Variants in ST6GAL1 observed in about 807,000 individuals in gnomAD.
ST6GAL1 encodes beta-galactoside alpha-2,6-sialyltransferase 1.
In ST6GAL1, 20 loss-of-function variants were observed where a neutral mutation model predicts 38.0. The ratio of observed to expected loss-of-function variants is 0.53; its 90% CI spans 0.37 to 0.77. The LOEUF (loss-of-function observed/expected upper bound fraction) is 0.77, where lower values mean the gene tolerates loss of function less well. ST6GAL1 is among the 30% of genes least tolerant of loss of function. The pLI is 0.00. For missense variants in ST6GAL1, 432 were observed against 496.4 expected (o/e 0.87, Z 1.23); for synonymous variants, 196 against 188.2 (o/e 1.04, Z -0.34).
At chr3:186,930,916 CG>C (rs1479793333) in intron 1 of ST6GAL1, 82 bp downstream of exon 1, 1 of 153,198 alleles carries the variant, frequency 6.5e-6, no homozygotes, top group Non-Finnish European at 1.5e-5. Flanking sequence ...GGGAGGATAG[CG>C]GAGGCGCGGG....
At chr3:186,965,207 A>G (rs1426345383) in intron 2 of ST6GAL1, among the ~76,000 whole-genome samples, 1 of 152,182 alleles carries the variant, frequency 6.6e-6, no homozygotes, top group African/African-American at 2.4e-5. Context: ...TTCCCGGAAA[A>G]GTCACGAAGT....
chr3:187,013,771 G>GA (rs1210740533), intron 2 of ST6GAL1, among the ~76,000 whole-genome samples: 1 of 152,118 alleles, frequency 6.6e-6, no homozygotes, highest in Non-Finnish European at 1.5e-5. Flanking sequence ...TTTTAGTAGA[G>GA]ACGGGGTTTG....
intron 2 of ST6GAL1, among the ~76,000 whole-genome samples, chr3:187,000,987 A>C (rs1296922703): frequency 2.0e-5 from 3 of 152,210 alleles, no homozygotes; most frequent in Non-Finnish European, 2.9e-5. Context: ...TGTGTAACTG[A>C]CCAGAGTGTC....
chr3:187,005,143 A>G (rs893329104), intron 2 of ST6GAL1, among the ~76,000 whole-genome samples: 2 of 152,150 alleles, frequency 1.3e-5, no homozygotes, highest in African/African-American at 4.8e-5. Context: ...GATTTGTTTC[A>G]AAATCTAGGG....
intron 2 of ST6GAL1, among the ~76,000 whole-genome samples, chr3:186,985,780 A>G (rs1437109727): frequency 1.3e-5 from 2 of 151,190 alleles, no homozygotes; most frequent in Admixed American, 1.3e-4. Context: ...GTCTCAAAAA[A>G]AAAAAAAGAA....
intron 1 of ST6GAL1, among the ~76,000 whole-genome samples, chr3:186,942,089 G>T (rs887849670): frequency 6.6e-6 from 1 of 152,178 alleles, no homozygotes; most frequent in Non-Finnish European, 1.5e-5. Context: ...GACCTCAATG[G>T]CCACTTAGGC....
chr3:187,004,703 T>G lies in ST6GAL1; in HGVS notation c.-182-34039T>G, dbSNP rs1317869382. Among the ~76,000 whole-genome samples, 3 of 152,262 alleles carry G rather than the reference T, an allele frequency of 2.0e-5. No individual in the cohort carries two copies. The East Asian group carries it at 5.8e-4, about 29-fold the overall frequency. On this transcript the variant is annotated intron_variant, in intron 2 of 7. Transcript: ENST00000169298. The stretch of plus-strand genomic sequence containing the variant: ...GCAGTGAACAACTTGTACAGTCATA[T>G]GTGACATCCCAGAGAGAAAACAACA...
intron 2 of ST6GAL1, among the ~76,000 whole-genome samples, chr3:187,002,571 T>C (rs1716656134): frequency 6.6e-6 from 1 of 152,240 alleles, no homozygotes; most frequent in Non-Finnish European, 1.5e-5. Context: ...TGTGGCTTTC[T>C]TGCCGCTAAG....
chr3:187,036,831 G>T (rs1717945774), intron 2 of ST6GAL1, among the ~76,000 whole-genome samples: 1 of 152,150 alleles, frequency 6.6e-6, no homozygotes, highest in Non-Finnish European at 1.5e-5. Flanking sequence ...CCAAGCCTCA[G>T]CATTGTGCAA....
At chr3:186,959,745 C>T (rs1227214759) in intron 1 of ST6GAL1, among the ~76,000 whole-genome samples, 1 of 152,182 alleles carries the variant, frequency 6.6e-6, no homozygotes, top group African/African-American at 2.4e-5. Flanking sequence ...CTGCTGTGTT[C>T]AGCAGATTTG....
At chr3:187,065,827 A>G in intron 5 of ST6GAL1, among the ~76,000 whole-genome samples, 1 of 152,322 alleles carries the variant, frequency 6.6e-6, no homozygotes, top group Non-Finnish European at 1.5e-5. Flanking sequence ...ATACCATCTA[A>G]GGGTCTTACA....
Position 187,026,692 on chromosome 3 carries a change from G to T in ST6GAL1, c.-182-12050G>T, listed in dbSNP as rs28501467. On this transcript the variant is annotated intron_variant, in intron 2 of 7. Transcript: ENST00000169298. ...CAAAGCCAAGGCTTCTCAAACTATT[G>T]GTGGTGAAGAACCAAATTTTTTTTC... 9.8e-3 allele frequency among the ~76,000 whole-genome samples: 1,494 copies of T among 152,226 alleles called. 24 individuals are homozygous for T. The highest frequency in any genetic ancestry group is 0.034 in the African/African-American group (1,416 of 41,526).
chr3:186,975,786 A>G (rs1441549980), intron 2 of ST6GAL1, among the ~76,000 whole-genome samples: 1 of 152,222 alleles, frequency 6.6e-6, no homozygotes, highest in Non-Finnish European at 1.5e-5. Flanking sequence ...GCCAAACGCC[A>G]CAGAAGTGAG....
intron 2 of ST6GAL1, among the ~76,000 whole-genome samples, chr3:186,981,397 AC>A (rs1715694177): frequency 6.6e-6 from 1 of 152,202 alleles, no homozygotes; most frequent in African/African-American, 2.4e-5. Context: ...TATGGAGACA[AC>A]CTCAGGCTAA....
chr3:187,055,654 C>T (rs989161129), intron 5 of ST6GAL1, among the ~76,000 whole-genome samples: 1 of 152,132 alleles, frequency 6.6e-6, no homozygotes, highest in Non-Finnish European at 1.5e-5. Flanking sequence ...AATTTGATTG[C>T]GCTGTGGTCT....
intron 2 of ST6GAL1, among the ~76,000 whole-genome samples, chr3:186,995,513 A>AC (rs1225502474): frequency 1.5e-5 from 1 of 66,084 alleles, no homozygotes. Context: ...CTCAAAAAAA[A>AC]AATAATAATA....
intron 2 of ST6GAL1, among the ~76,000 whole-genome samples, chr3:187,002,660 G>C (rs7643952): frequency 0.52 from 79,246 of 151,996 alleles, 20,887 homozygotes; most frequent in African/African-American, 0.57. Context: ...GAGGAAAGTT[G>C]TGTGATTTGT....
intron 1 of ST6GAL1, among the ~76,000 whole-genome samples, chr3:186,946,166 A>G (rs1020484850): frequency 1.3e-5 from 2 of 151,770 alleles, no homozygotes; most frequent in Non-Finnish European, 2.9e-5. Flanking sequence ...ATTATTTTGT[A>G]CTGGGCATGG....
chr3:186,997,112 G>C (rs974628091), intron 2 of ST6GAL1, among the ~76,000 whole-genome samples: 10 of 152,146 alleles, frequency 6.6e-5, no homozygotes, highest in Non-Finnish European at 1.2e-4. Context: ...AAATAGTTAA[G>C]TAATAATATA....
Sources: allele counts gnomAD v4.1 joint callset (sites outside exome capture counted in the v4.1 genomes callset), GRCh38; gene constraint gnomAD v4.1.1; transcripts MANE v1.5; gene names NCBI Gene and HGNC (gene_info 2026-07-23, HGNC 2026-07-21).